Variants in DYNC2H1 observed in about 807,000 individuals in gnomAD.
The protein encoded by DYNC2H1 is dynein cytoplasmic 2 heavy chain 1.
Under a neutral mutation model 570.0 loss-of-function variants are expected in DYNC2H1, and 410 were observed. The ratio of observed to expected loss-of-function variants is 0.72; its 90% CI spans 0.66 to 0.78. The LOEUF (loss-of-function observed/expected upper bound fraction) is 0.78, where lower values mean the gene tolerates loss of function less well. DYNC2H1 is among the 30% of genes least tolerant of loss of function. The pLI is 0.00. For synonymous variants in DYNC2H1, 1,688 were observed against 1,677.6 expected (o/e 1.01, Z -0.15); for missense variants, 4,865 against 5,046.4 (o/e 0.96, Z 1.09).
chr11:103,174,927 G>A (rs946026975), intron 36 of DYNC2H1, among the ~76,000 whole-genome samples: 1 of 147,244 alleles, frequency 6.8e-6, no homozygotes, highest in African/African-American at 2.5e-5. Context: ...CACTCCTTGC[G>A]GGGTTTGGGG....
At chr11:103,405,640 A>G (rs1159903258) in intron 84 of DYNC2H1, 2 of 152,028 alleles carry the variant, frequency 1.3e-5, no homozygotes, top group East Asian at 1.9e-4. Context: ...CATAAAGAAG[A>G]TTAATACAAA....
intron 85 of DYNC2H1, among the ~76,000 whole-genome samples, chr11:103,443,292 T>C (rs1225122301): frequency 2.6e-5 from 4 of 152,014 alleles, no homozygotes; most frequent in Admixed American, 6.6e-5. Flanking sequence ...TTCTCTATTA[T>C]CTATCAGCTT....
In DYNC2H1 at chr11:103,241,329, A is replaced by G. The variant is rs1273833530; in HGVS notation, c.9820-2364A>G. Among the ~76,000 whole-genome samples the G allele has an allele frequency of 1.3e-5, 2 of 152,216 alleles. No homozygotes were observed. Among genetic ancestry groups the G allele is most frequent in the South Asian group, 2.1e-4 (1 of 4,830 alleles). On this transcript the variant is annotated intron_variant, in intron 63 of 88. Transcript: ENST00000375735. This position sits in a 1 kb window ranked among gnomAD's most constrained non-coding sequence, Gnocchi z 5.1. ...AAAGCTCAACATTTTTGGATTGAGT[A>G]TAGTTGTAGAATTTAACTATATTTA... is the stretch of plus-strand genomic sequence containing the variant.
At chr11:103,154,345 G>A (rs1036949373) in intron 22 of DYNC2H1, 106 bp from the exon 23 acceptor site, 2 of 801,750 alleles carry the variant, frequency 2.5e-6, no homozygotes, top group Non-Finnish European at 3.5e-6. Flanking sequence ...ATACACAAGT[G>A]TGTGTGTACA....
At chr11:103,339,511 T>G (rs1939332295) in intron 82 of DYNC2H1, among the ~76,000 whole-genome samples, 1 of 152,140 alleles carries the variant, frequency 6.6e-6, no homozygotes, top group Admixed American at 6.5e-5. Context: ...TTCTCCTTGT[T>G]TTTTGGGTTT....
Position 103,439,826 on chromosome 11 carries a change from C to G in DYNC2H1, c.12456+3794C>G, listed in dbSNP as rs1272710412. 6.6e-6 allele frequency among the ~76,000 whole-genome samples: 1 copy of G among 152,128 alleles called. No individual in the cohort carries two copies. Among genetic ancestry groups the G allele is most frequent in the Non-Finnish European group, 1.5e-5 (1 of 68,016 alleles). On this transcript the variant is annotated intron_variant, in intron 85 of 88. Transcript: ENST00000375735. This position sits in a 1 kb window ranked among gnomAD's most constrained non-coding sequence, Gnocchi z 4.1. The stretch of plus-strand genomic sequence containing the variant: ...GGAATTAACAAATGAATGGACTGGA[C>G]AGATTACTCTCTTTGGGGAACTTAG...
In DYNC2H1 at chr11:103,135,641, T is replaced by C; in HGVS notation, c.2345+7T>C. On this transcript the variant is annotated splice_region_variant and intron_variant, in intron 16 of 88. Coordinates refer to ENST00000375735, the MANE Select transcript of DYNC2H1 (RefSeq NM_001377.3). The stretch of plus-strand genomic sequence containing the variant: ...ATATAGACTTAACTTACAAGTAAGA[T>C]GTTTTTTCAACCCCAATTTAATGTT... 6.2e-7 allele frequency: 1 copy of C among 1,610,070 alleles called. No homozygotes were observed. Among genetic ancestry groups the C allele is most frequent in the Non-Finnish European group, 8.5e-7 (1 of 1,178,834 alleles).
intron 87 of DYNC2H1, 125 bp downstream of exon 87, chr11:103,456,481 A>G: frequency 1.7e-6 from 1 of 602,122 alleles, no homozygotes; most frequent in Non-Finnish European, 2.6e-6. Flanking sequence ...AGATTGTATT[A>G]TCTATGTGAA....
At chr11:103,116,863 G>A (rs1469662783) in intron 5 of DYNC2H1, 149 bp downstream of exon 5, 2 of 636,452 alleles carry the variant, frequency 3.1e-6, no homozygotes, top group Non-Finnish European at 4.7e-6. Flanking sequence ...ATAGATATTT[G>A]TATATAGTTG....
intron 18 of DYNC2H1, among the ~76,000 whole-genome samples, chr11:103,143,816 T>C (rs1860094763): frequency 6.6e-6 from 1 of 152,170 alleles, no homozygotes; most frequent in Non-Finnish European, 1.5e-5. Flanking sequence ...CATCTAGATA[T>C]TGCCCTAAAT....
At chr11:103,337,647 TG>T (rs1939217539) in intron 82 of DYNC2H1, among the ~76,000 whole-genome samples, 1 of 152,228 alleles carries the variant, frequency 6.6e-6, no homozygotes, top group Non-Finnish European at 1.5e-5. Context: ...TGTTGAGGAT[TG>T]TTTTCTATAC....
At chr11:103,112,825 C>G (rs191368060) in intron 1 of DYNC2H1, among the ~76,000 whole-genome samples, 3 of 152,258 alleles carry the variant, frequency 2.0e-5, no homozygotes, top group Admixed American at 2.0e-4. Flanking sequence ...CAAAAACTTC[C>G]TTTGACTAGT....
chr11:103,472,545 T>G lies in DYNC2H1; in HGVS notation c.12765+3840T>G, dbSNP rs1945421937. 1.3e-5 allele frequency among the ~76,000 whole-genome samples: 2 copies of G among 152,120 alleles called. No homozygotes were observed. The highest frequency in any genetic ancestry group is 2.9e-5 in the Non-Finnish European group (2 of 68,024). The stretch of plus-strand genomic sequence containing the variant: ...CCTATGAGTTTGGTACAGCAAATTT[T>G]CTATTTTTCTGATGAAAGGACTGAG... On this transcript the variant is annotated intron_variant, in intron 88 of 88. Transcript: ENST00000375735. The surrounding 1 kb of genome is among the most constrained non-coding windows in gnomAD (Gnocchi z 4.1).
At chr11:103,297,094 T>G (rs746706697) in intron 75 of DYNC2H1, among the ~76,000 whole-genome samples, 4 of 152,168 alleles carry the variant, frequency 2.6e-5, no homozygotes, top group Non-Finnish European at 5.9e-5. Context: ...ATATCATTCT[T>G]AAATTACTGA....
At chr11:103,292,672 G>C (rs138341712) in intron 75 of DYNC2H1, among the ~76,000 whole-genome samples, 1 of 152,212 alleles carries the variant, frequency 6.6e-6, no homozygotes, top group African/African-American at 2.4e-5. Flanking sequence ...ACAATAGTGA[G>C]TGAGTTCTCT....
chr11:103,289,570 G>A lies in DYNC2H1; in HGVS notation c.11095+1965G>A, dbSNP rs56687643. Among the ~76,000 whole-genome samples, 51,796 of 151,918 alleles carry A rather than the reference G, an allele frequency of 0.34. 9,131 individuals are homozygous for A. Among genetic ancestry groups the A allele is most frequent in the Middle Eastern group, 0.4 (119 of 294 alleles). Reference sequence around the variant, plus strand: ...GAGCCCAGTAGTTTGAGACCAGCCTGGGCAGCATAGTGAGACCTTGTCTTT... The same window carrying A: ...GAGCCCAGTAGTTTGAGACCAGCCTAGGCAGCATAGTGAGACCTTGTCTTT... On this transcript the variant is annotated intron_variant, in intron 75 of 88. Coordinates refer to ENST00000375735, the MANE Select transcript of DYNC2H1 (RefSeq NM_001377.3). The surrounding 1 kb of genome is among the most constrained non-coding windows in gnomAD (Gnocchi z 4.2).
intron 38 of DYNC2H1, among the ~76,000 whole-genome samples, chr11:103,178,135 G>T (rs2134996802): frequency 6.6e-6 from 1 of 152,144 alleles, no homozygotes; most frequent in African/African-American, 2.4e-5. Context: ...AAATAAACAA[G>T]ATGACAGATT....
intron 84 of DYNC2H1, chr11:103,407,785 G>C (rs988378506): frequency 2.6e-5 from 4 of 151,966 alleles, no homozygotes; most frequent in African/African-American, 9.7e-5. Context: ...CCTTCTGTTA[G>C]CTCAAAAGGG....
intron 11 of DYNC2H1, 127 bp from the exon 12 acceptor site, chr11:103,124,973 A>T: frequency 3.0e-6 from 2 of 656,180 alleles, no homozygotes; most frequent in Non-Finnish European, 4.8e-6. Context: ...TAAAAGCTAT[A>T]ATTAAAAAGT....
Sources: allele counts gnomAD v4.1 joint callset (sites outside exome capture counted in the v4.1 genomes callset), GRCh38; gene constraint gnomAD v4.1.1; non-coding constraint Gnocchi (gnomAD v3.1); transcripts MANE v1.5; gene names NCBI Gene and HGNC (gene_info 2026-07-23, HGNC 2026-07-21).